Variants in KDM4C observed in about 807,000 individuals in gnomAD.
KDM4C encodes the protein lysine-specific demethylase 4C.
Under a neutral mutation model 129.3 loss-of-function variants are expected in KDM4C, and 81 were observed. The observed-to-expected ratio is 0.63, with a 90% CI of 0.52 to 0.75. The LOEUF (loss-of-function observed/expected upper bound fraction) is 0.75, where lower values mean the gene tolerates loss of function less well. Ranked by LOEUF, KDM4C falls within the 30% of genes least tolerant of loss-of-function variation. The probability of loss-of-function intolerance (pLI) is 0.00; values close to 1 mark genes in which losing one functional copy is unlikely to be tolerated. For missense variants in KDM4C, 1,457 were observed against 1,304.0 expected, an observed-to-expected ratio of 1.12 and a Z score of -1.81; for synonymous variants, 573 against 456.1, an observed-to-expected ratio of 1.26 and a Z score of -3.26.
At chr9:6,942,161 A>G (rs933370951) in intron 8 of KDM4C, among the ~76,000 whole-genome samples, 1 of 152,162 alleles carries the variant, frequency 6.6e-6, no homozygotes, top group Admixed American at 6.5e-5. Context: ...CAATAACTTT[A>G]AGATAAAACT....
At chr9:7,114,454 T>A (rs6477159) in intron 18 of KDM4C, among the ~76,000 whole-genome samples, 1 of 152,016 alleles carries the variant, frequency 6.6e-6, no homozygotes, top group Non-Finnish European at 1.5e-5. Flanking sequence ...TTATGAATAA[T>A]CACAGCAATG....
At chr9:7,020,575 T>G (rs1341244564) in intron 15 of KDM4C, among the ~76,000 whole-genome samples, 2 of 152,224 alleles carry the variant, frequency 1.3e-5, no homozygotes, top group Non-Finnish European at 2.9e-5. Flanking sequence ...AATCCAGATT[T>G]TAGGTATCAA....
At chr9:6,858,898 G>C (rs1588745030) in intron 5 of KDM4C, among the ~76,000 whole-genome samples, 2 of 151,622 alleles carry the variant, frequency 1.3e-5, no homozygotes, top group Middle Eastern at 3.4e-3. Context: ...GTTTAGATTG[G>C]AGTTGGTAGA....
intron 15 of KDM4C, among the ~76,000 whole-genome samples, chr9:7,038,562 A>C (rs1828035116): frequency 6.6e-6 from 1 of 152,060 alleles, no homozygotes; most frequent in Non-Finnish European, 1.5e-5. Flanking sequence ...TACAAATAAA[A>C]TTTTGGCTTC....
intron 1 of KDM4C, among the ~76,000 whole-genome samples, chr9:6,782,721 C>A (rs1824633390): frequency 6.6e-6 from 1 of 152,056 alleles, no homozygotes; most frequent in Admixed American, 6.6e-5. Context: ...TGGCTCCATA[C>A]TGGAACGATA....
At chr9:7,106,487 T>C (rs2133178526) in intron 18 of KDM4C, among the ~76,000 whole-genome samples, 1 of 152,316 alleles carries the variant, frequency 6.6e-6, no homozygotes, top group East Asian at 1.9e-4. Context: ...CTGTATGATT[T>C]AGGTGAAATG....
intron 3 of KDM4C, among the ~76,000 whole-genome samples, chr9:6,813,098 C>T (rs1412517461): frequency 6.6e-6 from 1 of 152,082 alleles, no homozygotes; most frequent in African/African-American, 2.4e-5. Context: ...TCCCTTGAAC[C>T]TGGGAGGCGG....
At chr9:6,936,279 A>G (rs1166021941) in intron 8 of KDM4C, among the ~76,000 whole-genome samples, 2 of 152,236 alleles carry the variant, frequency 1.3e-5, no homozygotes, top group Non-Finnish European at 2.9e-5. Context: ...TTAGAAAGAT[A>G]CTACCCCATG....
At chr9:6,762,101 T>C (rs145939062) in intron 1 of KDM4C, among the ~76,000 whole-genome samples, 2,002 of 151,688 alleles carry the variant, frequency 0.013, 27 homozygotes, top group Non-Finnish European at 0.021. Flanking sequence ...CCTGCCCATT[T>C]TTCTGTTTTT....
intron 14 of KDM4C, among the ~76,000 whole-genome samples, chr9:7,015,008 G>T (rs993081253): frequency 6.6e-6 from 1 of 151,520 alleles, no homozygotes; most frequent in African/African-American, 2.4e-5. Flanking sequence ...AAATAATTGG[G>T]ATATAATCTG....
At chr9:7,088,353 A>G (rs1477540735) in intron 17 of KDM4C, among the ~76,000 whole-genome samples, 1 of 152,232 alleles carries the variant, frequency 6.6e-6, no homozygotes, top group African/African-American at 2.4e-5. Flanking sequence ...TTGTTGTCTT[A>G]TCCTAAAATG....
chr9:6,876,177 C>T (rs1455660403), intron 5 of KDM4C, among the ~76,000 whole-genome samples: 1 of 152,148 alleles, frequency 6.6e-6, no homozygotes, highest in African/African-American at 2.4e-5. Flanking sequence ...AACATTTTCT[C>T]AAGTTTACTG....
chr9:6,826,101 TG>T (rs1424625493), intron 4 of KDM4C, among the ~76,000 whole-genome samples: 1 of 152,148 alleles, frequency 6.6e-6, no homozygotes, highest in East Asian at 1.9e-4. Context: ...CATGAGCTAC[TG>T]TGCCTGGCCT....
chr9:6,875,936 G>A (rs1394019572), intron 5 of KDM4C, among the ~76,000 whole-genome samples: 1 of 152,176 alleles, frequency 6.6e-6, no homozygotes, highest in East Asian at 1.9e-4. Context: ...TAACCCAAAT[G>A]ACTCAACCAC....
chr9:6,726,863 G>C (rs939298878), intron 1 of KDM4C: 3 of 152,100 alleles, frequency 2.0e-5, no homozygotes, highest in African/African-American at 7.2e-5. Context: ...AGCCTCCTGA[G>C]TAGCTGGGAT....
At chr9:6,949,638 A>T (rs1206952601) in intron 8 of KDM4C, among the ~76,000 whole-genome samples, 1 of 152,236 alleles carries the variant, frequency 6.6e-6, no homozygotes, top group Non-Finnish European at 1.5e-5. Context: ...TAGGAGCTGG[A>T]GACCAGCCCG....
chr9:6,834,412 C>A, intron 4 of KDM4C: 1 of 406,502 alleles, frequency 2.5e-6, no homozygotes, highest in South Asian at 2.0e-5. Flanking sequence ...CAGACCCTGG[C>A]CCTCACTGCT....
intron 6 of KDM4C, among the ~76,000 whole-genome samples, chr9:6,881,184 C>G (rs1844391147): frequency 6.6e-6 from 1 of 152,180 alleles, no homozygotes; most frequent in African/African-American, 2.4e-5. Flanking sequence ...TTAACAGAAA[C>G]TGTTAATGGC....
In KDM4C at chr9:6,888,639, C is replaced by G. The variant is rs1024012511; in HGVS notation, c.783+576C>G. ...GGTGGTTATTGGGTCAGAATTATTG[C>G]AGAGCTCAAACATTTTTATGTGAAG... On this transcript the variant is annotated intron_variant, in intron 7 of 21. Coordinates refer to ENST00000381309, the MANE Select transcript of KDM4C (RefSeq NM_015061.6). Among the ~76,000 whole-genome samples, 4 of 152,150 alleles carry G rather than the reference C, an allele frequency of 2.6e-5. No homozygotes were observed. The East Asian group carries it at 7.7e-4, about 29-fold the overall frequency.
Sources: allele counts gnomAD v4.1 joint callset (sites outside exome capture counted in the v4.1 genomes callset), GRCh38; gene constraint gnomAD v4.1.1; transcripts MANE v1.5; gene names NCBI Gene and HGNC (gene_info 2026-07-23, HGNC 2026-07-21).